POC1B: variants seen among roughly 807,000 people sequenced by gnomAD.
The protein encoded by POC1B is POC1 centriolar protein homolog B.
In POC1B, 44 loss-of-function variants were observed where a neutral mutation model predicts 60.6. The observed-to-expected ratio is 0.73, with a 90% CI of 0.57 to 0.93. The LOEUF (loss-of-function observed/expected upper bound fraction) is 0.93, where lower values mean the gene tolerates loss of function less well. Ranked by LOEUF, POC1B falls within the 40% of genes least tolerant of loss-of-function variation. The pLI is 0.00. For synonymous variants in POC1B, 180 were observed against 198.9 expected (o/e 0.90, Z 0.80); for missense variants, 555 against 572.3 (o/e 0.97, Z 0.31).
chr12:89,407,251 C>T, the POC1B span, among the ~76,000 whole-genome samples: 10 of 148,190 alleles, frequency 6.7e-5, no homozygotes, highest in South Asian at 4.4e-4. Context: ...GGAGGGTGGG[C>T]GGATGGAGTC....
In POC1B at chr12:89,516,091, G is replaced by A. The variant is rs558992191; in HGVS notation, c.100+9029C>T. On this transcript the variant is annotated intron_variant, in intron 2 of 11. Coordinates refer to ENST00000313546, the MANE Select transcript of POC1B (RefSeq NM_172240.3). ...TGGGTCTTATATACTCCAAAGTGGTGCATGATTCTCTATTAGTTTCTTCCT... is the reference window on the plus strand; with the variant it reads ...TGGGTCTTATATACTCCAAAGTGGTACATGATTCTCTATTAGTTTCTTCCT... 4.6e-5 allele frequency among the ~76,000 whole-genome samples: 7 copies of A among 152,226 alleles called. No individual in the cohort carries two copies. In the South Asian group the frequency reaches 1.2e-3, roughly 27 times the overall value.
chr12:89,453,374 C>CT (rs1565731760), intron 10 of POC1B, among the ~76,000 whole-genome samples: 5 of 152,124 alleles, frequency 3.3e-5, no homozygotes, highest in Non-Finnish European at 7.4e-5. Context: ...TTGAGGGAGG[C>CT]ACCAGCTAGG....
intron 2 of POC1B, among the ~76,000 whole-genome samples, chr12:89,515,299 A>C (rs907052369): frequency 6.6e-6 from 1 of 152,006 alleles, no homozygotes; most frequent in Non-Finnish European, 1.5e-5. Flanking sequence ...TTATTTATTT[A>C]TTTTTATTAA....
chr12:89,404,828 C>T, the POC1B span, among the ~76,000 whole-genome samples: 4 of 152,236 alleles, frequency 2.6e-5, no homozygotes, highest in South Asian at 8.3e-4. Flanking sequence ...TAGTTCTTAC[C>T]TTCTCTAAGT....
At chr12:89,523,859 C>A in intron 2 of POC1B, 3 of 1,560,442 alleles carry the variant, frequency 1.9e-6, no homozygotes, top group Admixed American at 2.0e-5. Context: ...GAATTACACT[C>A]ACAGTGACAA....
intron 4 of POC1B, among the ~76,000 whole-genome samples, chr12:89,490,260 T>C (rs1868884408): frequency 6.6e-6 from 1 of 152,240 alleles, no homozygotes. Context: ...TTCACCTCTC[T>C]GAAACTCACT....
At chr12:89,431,313 G>T (rs1487666893) in intron 10 of POC1B, among the ~76,000 whole-genome samples, 1 of 152,154 alleles carries the variant, frequency 6.6e-6, no homozygotes, top group Non-Finnish European at 1.5e-5. Context: ...TTCTAAAATA[G>T]ACTTGGGAAG....
intron 10 of POC1B, among the ~76,000 whole-genome samples, chr12:89,434,604 G>A (rs1230408949): frequency 1.3e-5 from 2 of 152,140 alleles, no homozygotes; most frequent in Non-Finnish European, 2.9e-5. Flanking sequence ...GCACCAGATG[G>A]ATCTTAATTA....
At chr12:89,405,756 A>G in the POC1B span, among the ~76,000 whole-genome samples, 16 of 151,896 alleles carry the variant, frequency 1.1e-4, no homozygotes, top group East Asian at 2.9e-3. Flanking sequence ...GGAGTTTGAG[A>G]CCAGCATGGG....
chr12:89,414,191 C>G, the POC1B span, among the ~76,000 whole-genome samples: 2 of 152,110 alleles, frequency 1.3e-5, no homozygotes, highest in Admixed American at 6.6e-5. Flanking sequence ...CCATGCCCAG[C>G]CAATTTTTTC....
the POC1B span, among the ~76,000 whole-genome samples, chr12:89,402,896 G>T: frequency 1.3e-5 from 2 of 151,738 alleles, no homozygotes; most frequent in African/African-American, 4.8e-5. Flanking sequence ...TGTATTTTTA[G>T]TAGAGACTAA....
At chr12:89,518,701 C>G (rs1870602897) in intron 2 of POC1B, among the ~76,000 whole-genome samples, 2 of 152,130 alleles carry the variant, frequency 1.3e-5, no homozygotes, top group South Asian at 4.1e-4. Flanking sequence ...CTGGCAAACA[C>G]TAATGTACTG....
the POC1B span, among the ~76,000 whole-genome samples, chr12:89,402,338 TAC>T: frequency 0.099 from 14,680 of 148,882 alleles, 1,224 homozygotes; most frequent in East Asian, 0.38. Flanking sequence ...TTATCACAAA[TAC>T]ACACACACAC....
chr12:89,472,128 A>C (rs1281602261), intron 5 of POC1B, 40 bp downstream of exon 5: 1 of 1,311,534 alleles, frequency 7.6e-7, no homozygotes, highest in African/African-American at 1.5e-5. Context: ...GTCTCCTTAG[A>C]AAACTAACCC....
rs1403729600 is a variant in POC1B, at chr12:89,500,963, AC to A, written c.101-3622del. On this transcript the variant is annotated intron_variant, in intron 2 of 11. Coordinates refer to ENST00000313546, the MANE Select transcript of POC1B (RefSeq NM_172240.3). ...TTGTTAGGCATGGAGGAATTGTTCC[AC>A]CTCATTCGTGTCCTCCCGATGATAT... 18 of 888,652 alleles carry A rather than the reference AC, an allele frequency of 2.0e-5. No homozygotes were observed. In the East Asian group the frequency reaches 4.0e-4, roughly 20 times the overall value. 55.0% of individuals were successfully genotyped at this position (888,652 alleles called of 1,614,324 possible).
intron 2 of POC1B, 165 bp downstream of exon 2, chr12:89,524,955 G>T: frequency 9.2e-7 from 1 of 1,088,478 alleles, no homozygotes; most frequent in Non-Finnish European, 1.3e-6. Flanking sequence ...ATGGCAGAGG[G>T]GGCCCTAGCT....
intron 2 of POC1B, chr12:89,519,649 A>C (rs1314776893): frequency 6.6e-6 from 1 of 152,620 alleles, no homozygotes; most frequent in Non-Finnish European, 1.5e-5. Flanking sequence ...AAACCAACTA[A>C]GACTATACAA....
At chr12:89,406,748 C>G in the POC1B span, among the ~76,000 whole-genome samples, 8 of 151,836 alleles carry the variant, frequency 5.3e-5, no homozygotes, top group African/African-American at 1.9e-4. Context: ...AAAGGTAAAA[C>G]TGGAGGTTAT....
At chr12:89,448,045 C>G (rs1428325316) in intron 10 of POC1B, among the ~76,000 whole-genome samples, 1 of 152,120 alleles carries the variant, frequency 6.6e-6, no homozygotes, top group African/African-American at 2.4e-5. Flanking sequence ...TACAGCCACA[C>G]AGTTTGTATC....
Sources: gnomAD v4.1 joint callset for allele counts (sites outside exome capture counted in the v4.1 genomes callset) on GRCh38, gnomAD v4.1.1 for gene constraint, MANE v1.5 for transcripts, NCBI Gene and HGNC (gene_info 2026-07-23, HGNC 2026-07-21) for gene names.